Variants in PIK3CD observed in about 807,000 individuals in gnomAD.
The protein encoded by PIK3CD is phosphatidylinositol 4,5-bisphosphate 3-kinase catalytic subunit delta isoform.
A neutral mutation model predicts 122.9 loss-of-function variants in PIK3CD; 20 were observed. That is an observed-to-expected ratio of 0.16 (90% CI 0.11 to 0.24). PIK3CD has a LOEUF of 0.24. PIK3CD is among the 10% of genes least tolerant of loss of function. The pLI is 1.00. For synonymous variants in PIK3CD, 596 were observed against 593.4 expected (o/e 1.00, Z -0.06); for missense variants, 787 against 1,406.3 (o/e 0.56, Z 7.04).
At chr1:9,716,359 G>T (rs1388603718) in intron 5 of PIK3CD, 81 bp from the exon 6 acceptor site, 32 of 1,376,614 alleles carry the variant, frequency 2.3e-5, no homozygotes, top group Non-Finnish European at 3.3e-5. Context: ...TACCCTTGGG[G>T]GCAAATAGGC....
chr1:9,705,323 CAA>C (rs563873650), intron 2 of PIK3CD, among the ~76,000 whole-genome samples: 39 of 57,524 alleles, frequency 6.8e-4, no homozygotes, highest in Non-Finnish European at 1.1e-3. Context: ...TTAAAAATAC[CAA>C]AAAAAAAAAA....
chr1:9,649,877 A>T (rs1023043630), upstream of PIK3CD, among the ~76,000 whole-genome samples: 1 of 152,202 alleles, frequency 6.6e-6, no homozygotes, highest in Admixed American at 6.5e-5. Flanking sequence ...GGAGGGACTT[A>T]GGCCCTGGGC....
intron 1 of PIK3CD, among the ~76,000 whole-genome samples, chr1:9,660,485 G>A (rs994928976): frequency 5.3e-5 from 8 of 152,010 alleles, no homozygotes; most frequent in African/African-American, 1.4e-4. Context: ...CATAACCTAC[G>A]CATCCTTTTT....
the PIK3CD span, among the ~76,000 whole-genome samples, chr1:9,627,876 C>T: frequency 9.2e-4 from 140 of 152,310 alleles, no homozygotes; most frequent in African/African-American, 3.2e-3. Context: ...CCGCAGCCCA[C>T]GGCTACAGGG....
In PIK3CD at chr1:9,723,550, T is replaced by TGCAGCTGGGGCTGGGC. The variant is rs1553171597; in HGVS notation, c.2594+259_2594+274dup. On this transcript the variant is annotated intron_variant, in intron 20 of 23. Transcript: ENST00000377346. This position sits in a 1 kb window ranked among gnomAD's most constrained non-coding sequence, Gnocchi z 4.9. The stretch of plus-strand genomic sequence containing the variant: ...GCCATTTACGATTGGCTCACAGATC[T>TGCAGCTGGGGCTGGGC]GCAGCTGGGGCTGGGCTCAGCCGGG... Among the ~76,000 whole-genome samples, 1 of 152,222 alleles carries TGCAGCTGGGGCTGGGC rather than the reference T, an allele frequency of 6.6e-6. No homozygotes were observed. The highest frequency in any genetic ancestry group is 2.4e-5 in the African/African-American group (1 of 41,458).
Position 9,722,239 on chromosome 1 carries a change from G to A in PIK3CD, c.2235-5G>A, listed in dbSNP as rs529103617. The stretch of plus-strand genomic sequence containing the variant: ...CTGCTGACTGCCCGCTCTCTGGCCT[G>A]GCAGCGTGGAGCAGTGCACCTTCAT... On this transcript the variant is annotated splice_polypyrimidine_tract_variant and splice_region_variant and intron_variant, in intron 17 of 23. Coordinates refer to ENST00000377346, the MANE Select transcript of PIK3CD (RefSeq NM_005026.5). The surrounding 1 kb of genome is among the most constrained non-coding windows in gnomAD (Gnocchi z 7.6). The A allele has an allele frequency of 1.9e-6, 3 of 1,612,588 alleles. No homozygotes were observed. The highest frequency in any genetic ancestry group is 1.1e-5 in the South Asian group (1 of 90,924).
At chr1:9,726,413 G>A (rs893427415) in intron 23 of PIK3CD, among the ~76,000 whole-genome samples, 1 of 152,184 alleles carries the variant, frequency 6.6e-6, no homozygotes, top group Non-Finnish European at 1.5e-5. Context: ...GGAGGCTGAG[G>A]CAGAAGAATC....
rs1425025065 is a variant in PIK3CD, at chr1:9,715,950, G to A, written c.472G>A (p.Gly158Ser). 1 of 1,612,502 alleles carries A rather than the reference G, an allele frequency of 6.2e-7. No homozygotes were observed. The part of the protein sequence containing the change: ...EEAAARRQQL[G>S]WEAWLQYSFP... ...GGCGGCCGCCCGCCGGCAGCAGCTG[G>A]GCTGGGAGGCCTGGCTGCAGTACAG... The change falls in exon 5 of 24, where the codon GGC becomes AGC. Residue 158 changes from glycine to serine, a missense_variant. This residue lies in a region of PIK3CD where 592 missense variants were observed against 920.6 expected (regional missense o/e 0.64). Transcript: ENST00000377346. The surrounding 1 kb of genome is among the most constrained non-coding windows in gnomAD (Gnocchi z 4.1).
At chr1:9,669,704 A>G (rs1201919032) in intron 1 of PIK3CD, among the ~76,000 whole-genome samples, 1 of 152,070 alleles carries the variant, frequency 6.6e-6, no homozygotes, top group Non-Finnish European at 1.5e-5. Flanking sequence ...AAAGTCACGC[A>G]AACAGGGTGT....
intron 2 of PIK3CD, among the ~76,000 whole-genome samples, chr1:9,702,146 C>A (rs1467407277): frequency 6.6e-6 from 1 of 151,878 alleles, no homozygotes; most frequent in South Asian, 2.1e-4. Context: ...AGGCAAGAAC[C>A]ACCACGCCTG....
the PIK3CD span, among the ~76,000 whole-genome samples, chr1:9,644,024 C>T: frequency 6.6e-6 from 1 of 152,220 alleles, no homozygotes; most frequent in Non-Finnish European, 1.5e-5. Context: ...ACACTTGCAG[C>T]CCCCACTCCC....
At chr1:9,675,283 G>A (rs1461786115) in intron 1 of PIK3CD, among the ~76,000 whole-genome samples, 6 of 149,952 alleles carry the variant, frequency 4.0e-5, no homozygotes, top group African/African-American at 7.4e-5. Flanking sequence ...CTACTCGGGA[G>A]GCTGAGGCAG....
chr1:9,717,488 C>G lies in PIK3CD; in HGVS notation c.931-49C>G, dbSNP rs750533595. ...CGGGCCTCACCATAGGCCAGGGAGA[C>G]AAGCTGCACTTTGAGCCGTGTTAAC... On this transcript the variant is annotated intron_variant, in intron 7 of 23. Transcript: ENST00000377346. The surrounding 1 kb of genome is among the most constrained non-coding windows in gnomAD (Gnocchi z 5.4). 3.2e-6 allele frequency: 5 copies of G among 1,576,918 alleles called. No homozygotes were observed. In the African/African-American group the frequency reaches 6.7e-5, roughly 21 times the overall value.
At chr1:9,644,216 GGAAA>G in the PIK3CD span, among the ~76,000 whole-genome samples, 18 of 152,142 alleles carry the variant, frequency 1.2e-4, no homozygotes, top group Admixed American at 7.2e-4. Flanking sequence ...GAGGGTTACA[GGAAA>G]GAAGAAAGCC....
At chr1:9,630,476 C>T in the PIK3CD span, among the ~76,000 whole-genome samples, 1 of 152,228 alleles carries the variant, frequency 6.6e-6, no homozygotes, top group Admixed American at 6.5e-5. Flanking sequence ...ACTGGTGATG[C>T]CCTCTGGGTG....
the PIK3CD span, among the ~76,000 whole-genome samples, chr1:9,639,801 C>G: frequency 1.3e-5 from 2 of 152,212 alleles, no homozygotes; most frequent in African/African-American, 4.8e-5. Flanking sequence ...GCGATCGTGG[C>G]TCACTGCAAC....
In PIK3CD at chr1:9,719,853, G is replaced by A; in HGVS notation, c.1243-68G>A. On this transcript the variant is annotated intron_variant, in intron 9 of 23. Transcript: ENST00000377346. This position sits in a 1 kb window ranked among gnomAD's most constrained non-coding sequence, Gnocchi z 5.5. ...GGGTCTTCTCGGGTGGGGTGCCTGG[G>A]GGAGGGCAGGGAAGCTGGGTCTGGA... is the stretch of plus-strand genomic sequence containing the variant. The A allele has an allele frequency of 7.8e-7, 1 of 1,278,230 alleles. No individual in the cohort carries two copies. The highest frequency in any genetic ancestry group is 1.1e-6 in the Non-Finnish European group (1 of 874,510). The allele number at this position is 1,278,230 out of a possible 1,614,324, so 79.2% of individuals were successfully genotyped here. A position where few individuals can be genotyped will look rare whatever the true frequency, so the allele number is the denominator to read the frequency against.
chr1:9,698,004 C>T (rs1029950348), intron 2 of PIK3CD, among the ~76,000 whole-genome samples: 1 of 151,856 alleles, frequency 6.6e-6, no homozygotes, highest in East Asian at 1.9e-4. Context: ...GCACTCCAGC[C>T]TGGGAAACAC....
At chr1:9,656,206 G>A (rs1271705972) in intron 1 of PIK3CD, among the ~76,000 whole-genome samples, 1 of 152,158 alleles carries the variant, frequency 6.6e-6, no homozygotes, top group Non-Finnish European at 1.5e-5. Context: ...TTTGGTCCTG[G>A]AGGGATGCTG....
Sources: allele counts gnomAD v4.1 joint callset (sites outside exome capture counted in the v4.1 genomes callset), GRCh38; gene constraint gnomAD v4.1.1; regional missense constraint gnomAD v4.1.1; non-coding constraint Gnocchi (gnomAD v3.1); transcripts MANE v1.5; gene names NCBI Gene and HGNC (gene_info 2026-07-23, HGNC 2026-07-21).